SLC14A2: variants seen among roughly 807,000 people sequenced by gnomAD.
SLC14A2 encodes urea transporter 2.
Under a neutral mutation model 104.6 loss-of-function variants are expected in SLC14A2, and 91 were observed. The observed-to-expected ratio is 0.87, with a 90% CI of 0.73 to 1.04. The LOEUF is 1.04. SLC14A2 is among the 50% of genes least tolerant of loss of function. The pLI, the probability that SLC14A2 is intolerant of heterozygous loss-of-function variation, is 0.00. For synonymous variants in SLC14A2, 476 were observed against 466.4 expected, an observed-to-expected ratio of 1.02 and a Z score of -0.27; for missense variants, 1,189 against 1,156.0, an observed-to-expected ratio of 1.03 and a Z score of -0.41.
intron 2 of SLC14A2, among the ~76,000 whole-genome samples, chr18:45,530,659 G>A (rs1166151856): frequency 6.6e-6 from 1 of 151,800 alleles, no homozygotes; most frequent in Non-Finnish European, 1.5e-5. Context: ...AGGTACATGA[G>A]CTTTAGTTAT....
At chr18:45,618,421 C>A (rs899064048) in intron 1 of SLC14A2, among the ~76,000 whole-genome samples, 2 of 152,064 alleles carry the variant, frequency 1.3e-5, no homozygotes, top group African/African-American at 4.8e-5. Flanking sequence ...GTAATCCCAG[C>A]ACTTTGGGAG....
chr18:45,347,536 G>C (rs1021788997), intron 1 of SLC14A2, among the ~76,000 whole-genome samples: 1 of 152,170 alleles, frequency 6.6e-6, no homozygotes, highest in Non-Finnish European at 1.5e-5. Flanking sequence ...GGCCACCTCT[G>C]TCATAGATCA....
chr18:45,399,787 T>A (rs970227126), intron 1 of SLC14A2, among the ~76,000 whole-genome samples: 11 of 152,076 alleles, frequency 7.2e-5, no homozygotes, highest in Non-Finnish European at 1.5e-4. Flanking sequence ...GTTAAAAGGG[T>A]TCTGATCATG....
chr18:45,357,474 G>T (rs1333053556), intron 1 of SLC14A2, among the ~76,000 whole-genome samples: 1 of 152,066 alleles, frequency 6.6e-6, no homozygotes, highest in African/African-American at 2.4e-5. Flanking sequence ...AGTTAGCTGG[G>T]CGTGGTGGCA....
At chr18:45,301,467 C>T (rs576414591) in intron 1 of SLC14A2, among the ~76,000 whole-genome samples, 2 of 152,322 alleles carry the variant, frequency 1.3e-5, no homozygotes, top group South Asian at 2.1e-4. Context: ...CCTCCATTTA[C>T]AGAACCATGT....
At chr18:45,643,100 A>G in intron 8 of SLC14A2, 32 bp from the exon 9 acceptor site, 1 of 1,612,554 alleles carries the variant, frequency 6.2e-7, no homozygotes, top group South Asian at 1.1e-5. Context: ...GGCCCTGGGA[A>G]GCTCACTCTG....
intron 2 of SLC14A2, among the ~76,000 whole-genome samples, chr18:45,587,259 G>A (rs1036118287): frequency 1.3e-5 from 2 of 152,144 alleles, no homozygotes; most frequent in Non-Finnish European, 2.9e-5. Flanking sequence ...ACAGACATGA[G>A]CCACATTCTT....
At chr18:45,612,362 A>AC (rs1376231118), upstream of SLC14A2, among the ~76,000 whole-genome samples, 1 of 152,222 alleles carries the variant, frequency 6.6e-6, no homozygotes, top group Non-Finnish European at 1.5e-5. Flanking sequence ...GAACATGCAG[A>AC]ATAGCATTTA....
upstream of SLC14A2, among the ~76,000 whole-genome samples, chr18:45,613,175 C>T (rs1488445738): frequency 6.6e-6 from 1 of 152,174 alleles, no homozygotes; most frequent in Admixed American, 6.5e-5. Flanking sequence ...GCTGGGACTA[C>T]AGGCGCCCGC....
intron 1 of SLC14A2, among the ~76,000 whole-genome samples, chr18:45,455,030 A>G (rs1213124608): frequency 1.3e-5 from 2 of 152,158 alleles, no homozygotes; most frequent in African/African-American, 4.8e-5. Flanking sequence ...GTTTTTTCCA[A>G]TTCTGTGAAA....
intron 2 of SLC14A2, among the ~76,000 whole-genome samples, chr18:45,541,693 A>T (rs138620455): frequency 0.014 from 2,124 of 152,380 alleles, 35 homozygotes; most frequent in South Asian, 0.064. Context: ...TTCAAGCCTT[A>T]TGGATAAGGC....
chr18:45,223,693 T>A (rs1229106631), intron 1 of SLC14A2, among the ~76,000 whole-genome samples: 1 of 152,134 alleles, frequency 6.6e-6, no homozygotes, highest in Admixed American at 6.5e-5. Context: ...GGGACACAGG[T>A]GCCCTCTCCT....
chr18:45,246,841 C>A (rs1179363396), intron 1 of SLC14A2, among the ~76,000 whole-genome samples: 1 of 152,084 alleles, frequency 6.6e-6, no homozygotes, highest in African/African-American at 2.4e-5. Context: ...GAAACCCCGT[C>A]TCTACTAAAA....
intron 1 of SLC14A2, among the ~76,000 whole-genome samples, chr18:45,320,576 G>T (rs184572478): frequency 6.6e-6 from 1 of 152,256 alleles, no homozygotes; most frequent in East Asian, 1.9e-4. Context: ...CACTGACCTT[G>T]CCTTGTGATC....
At chr18:45,493,280 CAT>C (rs373832051) in intron 2 of SLC14A2, 2 of 152,180 alleles carry the variant, frequency 1.3e-5, no homozygotes, top group African/African-American at 2.4e-5. Flanking sequence ...CAAGTAAAAA[CAT>C]ATGTGAAACC....
the SLC14A2 span, among the ~76,000 whole-genome samples, chr18:45,205,187 C>G: frequency 2.6e-5 from 4 of 152,194 alleles, no homozygotes; most frequent in Non-Finnish European, 5.9e-5. Context: ...CTAGCAGCAC[C>G]AGCTTTCAGG....
At chr18:45,371,800 G>A (rs1239603730) in intron 1 of SLC14A2, among the ~76,000 whole-genome samples, 2 of 152,172 alleles carry the variant, frequency 1.3e-5, no homozygotes, top group Non-Finnish European at 2.9e-5. Flanking sequence ...TCTTTACTCA[G>A]TGTCTGTTTT....
chr18:45,486,857 T>A (rs751929598), intron 2 of SLC14A2, among the ~76,000 whole-genome samples: 1 of 151,992 alleles, frequency 6.6e-6, no homozygotes, highest in Non-Finnish European at 1.5e-5. Context: ...AATGAAAAAA[T>A]GTCAGGTTGA....
At chr18:45,627,330 G>A (rs1313726087) in intron 4 of SLC14A2, among the ~76,000 whole-genome samples, 183 bp downstream of exon 4, 3 of 152,202 alleles carry the variant, frequency 2.0e-5, no homozygotes, top group African/African-American at 7.2e-5. Flanking sequence ...ATGTGACAGT[G>A]TCAACATTCA....
Sources: gnomAD v4.1 joint callset for allele counts (sites outside exome capture counted in the v4.1 genomes callset) on GRCh38, gnomAD v4.1.1 for gene constraint, MANE v1.5 for transcripts, NCBI Gene and HGNC (gene_info 2026-07-23, HGNC 2026-07-21) for gene names.